The following PDE4B variants were observed in gnomAD, a reference collection of about 807,000 sequenced individuals.
The protein encoded by PDE4B is 3',5'-cyclic-AMP phosphodiesterase 4B.
A neutral mutation model predicts 82.2 loss-of-function variants in PDE4B; 20 were observed. That is an observed-to-expected ratio of 0.24 (90% CI 0.17 to 0.35). The LOEUF (loss-of-function observed/expected upper bound fraction) is 0.35. PDE4B is among the 10% of genes least tolerant of loss of function. The probability of loss-of-function intolerance (pLI) is 1.00; values close to 1 mark genes in which losing one functional copy is unlikely to be tolerated. For missense variants in PDE4B, 655 were observed against 907.2 expected (o/e 0.72, Z 3.57); for synonymous variants, 320 against 318.9 (o/e 1.00, Z -0.04).
rs1208163071 is a variant in PDE4B at position 65,904,009 on chromosome 1, A to G, written c.-70-9236A>G. Among the ~76,000 whole-genome samples the G allele has an allele frequency of 5.3e-5, 8 of 152,348 alleles. No individual in the cohort carries two copies. In the East Asian group the frequency reaches 9.6e-4, roughly 18 times the overall value. On this transcript the variant is annotated intron_variant, in intron 1 of 16. Coordinates refer to ENST00000341517, the MANE Select transcript of PDE4B (RefSeq NM_002600.4). ...TGAAGTCTGTAATGATGTAGTATTT[A>G]TATTTCTGAGAAAGGAATGCACAGA...
chr1:66,224,590 G>T (rs12098122), intron 3 of PDE4B, among the ~76,000 whole-genome samples: 1 of 152,162 alleles, frequency 6.6e-6, no homozygotes, highest in African/African-American at 2.4e-5. Flanking sequence ...ACTGTGGCGT[G>T]TGCCTGTAAT....
chr1:66,074,686 C>T (rs115888406), intron 3 of PDE4B, among the ~76,000 whole-genome samples: 1 of 95,482 alleles, frequency 1.0e-5, no homozygotes, highest in Non-Finnish European at 2.1e-5. Context: ...CTATTTCTCT[C>T]TATATGAATT....
At chr1:65,845,059 C>T (rs1325839730) in intron 1 of PDE4B, among the ~76,000 whole-genome samples, 1 of 152,140 alleles carries the variant, frequency 6.6e-6, no homozygotes, top group Non-Finnish European at 1.5e-5. Flanking sequence ...TAAGGGGCAT[C>T]TCCACCTGTC....
At chr1:65,973,056 G>T (rs1326107483) in intron 3 of PDE4B, among the ~76,000 whole-genome samples, 1 of 152,078 alleles carries the variant, frequency 6.6e-6, no homozygotes, top group Admixed American at 6.6e-5. Context: ...CCCAGGGCTA[G>T]CCAGCTTTGA....
chr1:66,119,814 A>T (rs1645672987), intron 3 of PDE4B, among the ~76,000 whole-genome samples: 1 of 152,174 alleles, frequency 6.6e-6, no homozygotes, highest in Admixed American at 6.5e-5. Flanking sequence ...CCCTAATCTA[A>T]TATGACTGGT....
At chr1:66,206,705 C>G (rs1649582917) in intron 3 of PDE4B, among the ~76,000 whole-genome samples, 1 of 152,126 alleles carries the variant, frequency 6.6e-6, no homozygotes, top group South Asian at 2.1e-4. Context: ...GGACCTAAAC[C>G]AGGTGATCTG....
chr1:65,837,438 A>G (rs1043989263), intron 1 of PDE4B, among the ~76,000 whole-genome samples: 2 of 151,916 alleles, frequency 1.3e-5, no homozygotes, highest in Non-Finnish European at 2.9e-5. Flanking sequence ...CTCCATCTAT[A>G]CTATACTAAA....
At chr1:66,023,254 G>A (rs1015392530) in intron 3 of PDE4B, among the ~76,000 whole-genome samples, 3 of 152,036 alleles carry the variant, frequency 2.0e-5, no homozygotes, top group Non-Finnish European at 4.4e-5. Context: ...TGTGGTACTC[G>A]GACATTATCT....
At chr1:66,263,153 T>A (rs1283222594) in intron 6 of PDE4B, among the ~76,000 whole-genome samples, 2 of 152,230 alleles carry the variant, frequency 1.3e-5, no homozygotes, top group Non-Finnish European at 2.9e-5. Context: ...ATAGATGAGT[T>A]GAAGAGAAAG....
chr1:66,209,402 A>G (rs1460889385), intron 3 of PDE4B, among the ~76,000 whole-genome samples: 1 of 152,172 alleles, frequency 6.6e-6, no homozygotes, highest in Non-Finnish European at 1.5e-5. Flanking sequence ...TCCTAACTGG[A>G]TGTAGTGTCT....
intron 3 of PDE4B, 30 bp downstream of exon 3, chr1:65,918,865 C>G: frequency 1.5e-6 from 2 of 1,334,618 alleles, no homozygotes; most frequent in South Asian, 1.2e-5. Context: ...AATGTCAATT[C>G]TAAATTTTTA....
intron 3 of PDE4B, among the ~76,000 whole-genome samples, chr1:66,083,527 T>C (rs1656847671): frequency 6.6e-6 from 1 of 152,102 alleles, no homozygotes; most frequent in Admixed American, 6.6e-5. Flanking sequence ...ATAGACCTTA[T>C]TATACTGATT....
chr1:66,041,175 A>G (rs1654347336), intron 3 of PDE4B, among the ~76,000 whole-genome samples: 1 of 151,982 alleles, frequency 6.6e-6, no homozygotes, highest in African/African-American at 2.4e-5. Flanking sequence ...AAAGTAGCTT[A>G]GAAAGTATAA....
chr1:66,289,210 A>C (rs1039999695), intron 7 of PDE4B, among the ~76,000 whole-genome samples: 1 of 152,162 alleles, frequency 6.6e-6, no homozygotes. Context: ...AGAGGCTACA[A>C]TGAGCCATGA....
intron 3 of PDE4B, among the ~76,000 whole-genome samples, chr1:66,150,931 C>A (rs570806744): frequency 6.6e-6 from 1 of 152,182 alleles, no homozygotes; most frequent in East Asian, 1.9e-4. Context: ...GTATCCAATT[C>A]GCTAGAATTT....
At chr1:66,142,786 T>C (rs541622069) in intron 3 of PDE4B, among the ~76,000 whole-genome samples, 2 of 152,304 alleles carry the variant, frequency 1.3e-5, no homozygotes, top group Admixed American at 1.3e-4. Context: ...TTGTTATCTG[T>C]CCACATTTGG....
chr1:66,336,215 A>G (rs1660503969), intron 8 of PDE4B, among the ~76,000 whole-genome samples: 1 of 152,190 alleles, frequency 6.6e-6, no homozygotes, highest in Non-Finnish European at 1.5e-5. Flanking sequence ...GAGGGTGACT[A>G]CAATTTCCTG....
At chr1:66,093,350 T>C (rs570422593) in intron 3 of PDE4B, among the ~76,000 whole-genome samples, 1 of 152,216 alleles carries the variant, frequency 6.6e-6, no homozygotes, top group African/African-American at 2.4e-5. Context: ...GAGGTGGGTA[T>C]TGCTTTCTCC....
chr1:66,262,594 G>A (rs1570580014), intron 6 of PDE4B, among the ~76,000 whole-genome samples: 1 of 152,196 alleles, frequency 6.6e-6, no homozygotes, highest in Admixed American at 6.5e-5. Flanking sequence ...TTTGGAAACT[G>A]AGCAACCAAT....
Sources: gnomAD v4.1 joint callset for allele counts (sites outside exome capture counted in the v4.1 genomes callset) on GRCh38, gnomAD v4.1.1 for gene constraint, MANE v1.5 for transcripts, NCBI Gene and HGNC (gene_info 2026-07-23, HGNC 2026-07-21) for gene names.